The following CACNB2 variants were observed in gnomAD, a reference collection of about 807,000 sequenced individuals.
The protein encoded by CACNB2 is calcium voltage-gated channel auxiliary subunit beta 2.
In CACNB2, 42 loss-of-function variants were observed where a neutral mutation model predicts 73.3. The observed-to-expected ratio is 0.57, with a 90% CI of 0.45 to 0.74. CACNB2 has a LOEUF of 0.74. Ranked by LOEUF, CACNB2 falls within the 30% of genes least tolerant of loss-of-function variation. The pLI, the probability that CACNB2 is intolerant of heterozygous loss-of-function variation, is 0.00. For synonymous variants in CACNB2, 348 were observed against 310.3 expected, an observed-to-expected ratio of 1.12 and a Z score of -1.28; for missense variants, 940 against 853.0, an observed-to-expected ratio of 1.10 and a Z score of -1.27.
intron 2 of CACNB2, among the ~76,000 whole-genome samples, chr10:18,392,685 C>T (rs16917251): frequency 1.8e-4 from 28 of 152,106 alleles, no homozygotes; most frequent in Non-Finnish European, 3.5e-4. Context: ...AGTGTAGTGA[C>T]ATCCATGCAG....
rs544914661 is a variant in CACNB2 at position 18,194,744 on chromosome 10, C to T, written c.213+43769C>T. ...CCCTGAGAAAATATCCAGATTCAAC[C>T]TTATCTTTGCAGGCCTTTTACAAAA... On this transcript the variant is annotated intron_variant, in intron 2 of 13. Transcript: ENST00000324631. Among the ~76,000 whole-genome samples, 4 of 152,290 alleles carry T rather than the reference C, an allele frequency of 2.6e-5. No individual in the cohort carries two copies. In the East Asian group the frequency reaches 5.8e-4, roughly 22 times the overall value.
At chr10:18,397,351 G>C (rs1046183707) in intron 2 of CACNB2, among the ~76,000 whole-genome samples, 1 of 152,152 alleles carries the variant, frequency 6.6e-6, no homozygotes, top group Non-Finnish European at 1.5e-5. Flanking sequence ...TGTAATTTCA[G>C]CTACTCTGGA....
At chr10:18,351,278 G>C (rs1410089154) in intron 2 of CACNB2, among the ~76,000 whole-genome samples, 1 of 151,426 alleles carries the variant, frequency 6.6e-6, no homozygotes, top group Non-Finnish European at 1.5e-5. Flanking sequence ...TCTGTATCCC[G>C]TCATCATGTT....
At chr10:18,460,887 CAAAAA>C (rs5783603) in intron 3 of CACNB2, among the ~76,000 whole-genome samples, 1 of 140,540 alleles carries the variant, frequency 7.1e-6, no homozygotes, top group African/African-American at 2.7e-5. Context: ...AAGATCTTTC[CAAAAA>C]AAAAAAAAAA....
chr10:18,166,974 A>C (rs946004548), intron 2 of CACNB2, among the ~76,000 whole-genome samples: 1 of 152,174 alleles, frequency 6.6e-6, no homozygotes, highest in African/African-American at 2.4e-5. Context: ...TGAATCTCCA[A>C]GTCTTCCCGT....
intron 11 of CACNB2, 55 bp downstream of exon 11, chr10:18,534,282 T>TAGGAA: frequency 7.0e-7 from 1 of 1,435,542 alleles, no homozygotes; most frequent in Non-Finnish European, 9.8e-7. Context: ...AAATGTATTT[T>TAGGAA]ATGTTCTGCT....
At position 18,437,964 on chromosome 10, in the gene CACNB2, C is replaced by T. The variant is rs573005158; in HGVS notation, c.333+35921C>T. Among the ~76,000 whole-genome samples the T allele has an allele frequency of 4.1e-4, 60 of 148,034 alleles. No homozygotes were observed. In the South Asian group the frequency reaches 0.012, roughly 30 times the overall value. On this transcript the variant is annotated intron_variant, in intron 3 of 13. Transcript: ENST00000324631. ...ATGTATTAAAACTCAGGGGAATGGC[C>T]CTGAGTCTGGGGGTGTCGGGATACC...
rs186523721 is a variant in CACNB2 at position 18,534,371 on chromosome 10, T to C, written c.1206+144T>C. ...GACATGATAGTCAAGAATTTTTAAATTGATATAGTTTCATGGCTTAGAACA... is the reference window on the plus strand; with the variant it reads ...GACATGATAGTCAAGAATTTTTAAACTGATATAGTTTCATGGCTTAGAACA... On this transcript the variant is annotated intron_variant, in intron 11 of 13. Transcript: ENST00000324631. 130 of 759,112 alleles carry C rather than the reference T, an allele frequency of 1.7e-4. No homozygotes were observed. In the Middle Eastern group the frequency reaches 2.2e-3, roughly 13 times the overall value. 47.0% of individuals were successfully genotyped at this position (759,112 alleles called of 1,614,324 possible).
intron 2 of CACNB2, among the ~76,000 whole-genome samples, chr10:18,399,033 T>A (rs925169042): frequency 1.3e-5 from 2 of 152,114 alleles, no homozygotes. Flanking sequence ...CAAAATTATG[T>A]GTGGGTGTTA....
At chr10:18,422,077 A>G (rs577393204) in intron 3 of CACNB2, among the ~76,000 whole-genome samples, 1 of 152,332 alleles carries the variant, frequency 6.6e-6, no homozygotes, top group East Asian at 1.9e-4. Context: ...AAGATTTTGT[A>G]ATGGTCTAGA....
chr10:18,261,896 TC>T (rs1397656765), intron 2 of CACNB2: 3 of 515,908 alleles, frequency 5.8e-6, no homozygotes, highest in Non-Finnish European at 1.2e-5. Context: ...AGTATTAAAT[TC>T]TACAAGGCAG....
intron 2 of CACNB2, among the ~76,000 whole-genome samples, chr10:18,210,583 C>A (rs187286195): frequency 6.6e-6 from 1 of 152,048 alleles, no homozygotes; most frequent in Non-Finnish European, 1.5e-5. Context: ...ACCTGTATAA[C>A]GCTGAGTTAT....
chr10:18,155,889 A>C lies in CACNB2; in HGVS notation c.213+4914A>C, dbSNP rs1213760930. On this transcript the variant is annotated intron_variant, in intron 2 of 13. Coordinates refer to ENST00000324631, the MANE Select transcript of CACNB2 (RefSeq NM_201596.3). Reference sequence around the variant, plus strand: ...GAGAGAGAGAGGGAGAGAGAGAGAGAGAACATATTATATATATATATATAT... The same window carrying C: ...GAGAGAGAGAGGGAGAGAGAGAGAGCGAACATATTATATATATATATATAT... Among the ~76,000 whole-genome samples, 3 of 47,682 alleles carry C rather than the reference A, an allele frequency of 6.3e-5. No individual in the cohort carries two copies. The East Asian group carries it at 1.7e-3, about 27-fold the overall frequency. The allele number at this position is 47,682 out of a possible 152,430, so 31.3% of individuals were successfully genotyped here.
chr10:18,337,185 A>G (rs964433014), intron 2 of CACNB2, among the ~76,000 whole-genome samples: 2 of 151,270 alleles, frequency 1.3e-5, no homozygotes, highest in African/African-American at 2.4e-5. Flanking sequence ...ACTGGTGTGT[A>G]GTAGCGTAAT....
At chr10:18,171,526 A>G (rs1457198549) in intron 2 of CACNB2, among the ~76,000 whole-genome samples, 1 of 105,864 alleles carries the variant, frequency 9.4e-6, no homozygotes, top group Non-Finnish European at 1.9e-5. Flanking sequence ...TAGCAGAAAA[A>G]AAAAAAAAAA....
chr10:18,286,651 T>G (rs1180162115), intron 2 of CACNB2, among the ~76,000 whole-genome samples: 2 of 151,942 alleles, frequency 1.3e-5, no homozygotes, highest in African/African-American at 4.8e-5. Context: ...CAAAGCAAAT[T>G]GCAATTCTCT....
chr10:18,497,573 C>G (rs1048770426), intron 3 of CACNB2, among the ~76,000 whole-genome samples: 2 of 152,054 alleles, frequency 1.3e-5, no homozygotes, highest in African/African-American at 4.8e-5. Flanking sequence ...GTGCCTGCCA[C>G]CACACCTAGC....
intron 3 of CACNB2, among the ~76,000 whole-genome samples, chr10:18,442,696 G>A (rs1463647113): frequency 3.3e-5 from 5 of 150,566 alleles, no homozygotes; most frequent in East Asian, 2.0e-4. Flanking sequence ...GTGGTGGCAC[G>A]TGCCTGTAAT....
At chr10:18,162,564 A>G (rs1361745097) in intron 2 of CACNB2, among the ~76,000 whole-genome samples, 2 of 152,186 alleles carry the variant, frequency 1.3e-5, no homozygotes, top group African/African-American at 4.8e-5. Context: ...TCTCTAGGAA[A>G]TATTTCTCTG....
Sources: gnomAD v4.1 joint callset for allele counts (sites outside exome capture counted in the v4.1 genomes callset) on GRCh38, gnomAD v4.1.1 for gene constraint, MANE v1.5 for transcripts, NCBI Gene and HGNC (gene_info 2026-07-23, HGNC 2026-07-21) for gene names.